SAMD3: variants seen among roughly 807,000 people sequenced by gnomAD.
The protein encoded by SAMD3 is sterile alpha motif domain-containing protein 3.
Under a neutral mutation model 58.5 loss-of-function variants are expected in SAMD3, and 63 were observed. That is an observed-to-expected ratio of 1.08 (90% confidence interval 0.88 to 1.33). The LOEUF (loss-of-function observed/expected upper bound fraction) is 1.33, where lower values mean the gene tolerates loss of function less well. Among genes scored for constraint, SAMD3 ranks in the 40% most tolerant of loss-of-function variants. The probability of loss-of-function intolerance (pLI) is 0.00; values close to 1 mark genes in which losing one functional copy is unlikely to be tolerated. For synonymous variants in SAMD3, 220 were observed against 210.3 expected, an observed-to-expected ratio of 1.05 and a Z score of -0.40; for missense variants, 604 against 608.4, an observed-to-expected ratio of 0.99 and a Z score of 0.08.
intron 2 of SAMD3, among the ~76,000 whole-genome samples, chr6:130,298,233 C>T (rs911886512): frequency 1.3e-5 from 2 of 152,092 alleles, no homozygotes; most frequent in African/African-American, 4.8e-5. Context: ...CTAGTTTTAG[C>T]CTTCTTAAAG....
intron 1 of SAMD3, among the ~76,000 whole-genome samples, chr6:130,363,319 A>G (rs1167372008): frequency 1.3e-5 from 2 of 152,220 alleles, no homozygotes; most frequent in African/African-American, 4.8e-5. Context: ...GCCTTGTTAC[A>G]TGACCTCTTA....
intron 1 of SAMD3, among the ~76,000 whole-genome samples, chr6:130,360,197 T>C (rs1285436348): frequency 1.3e-5 from 2 of 152,238 alleles, no homozygotes; most frequent in African/African-American, 4.8e-5. Context: ...ACTCATTAAA[T>C]GACTATTGTT....
chr6:130,248,141 T>C (rs1001025160), intron 2 of SAMD3, among the ~76,000 whole-genome samples: 1 of 152,042 alleles, frequency 6.6e-6, no homozygotes, highest in Non-Finnish European at 1.5e-5. Flanking sequence ...CCCTGTTATT[T>C]TGAACTGTTC....
chr6:130,364,816 T>C (rs1427540715), intron 1 of SAMD3, among the ~76,000 whole-genome samples: 1 of 152,152 alleles, frequency 6.6e-6, no homozygotes, highest in Admixed American at 6.5e-5. Flanking sequence ...CTACAGTCTC[T>C]TCTCATTGCC....
In SAMD3 at chr6:130,216,601, C is replaced by T. The variant is rs905142532; in HGVS notation, c.-52G>A. ...ATATGTGACAAGCTGGAAAGATAGT[C>T]TTCAAGAATCATTTCCTAGAAAACA... is the stretch of plus-strand genomic sequence containing the variant. On this transcript the variant is annotated 5_prime_UTR_variant, in exon 2 of 12. Coordinates refer to ENST00000439090, the MANE Select transcript of SAMD3 (RefSeq NM_001017373.4). The T allele has an allele frequency of 3.9e-5, 6 of 152,180 alleles. No homozygotes were observed. The highest frequency in any genetic ancestry group is 1.4e-4 in the African/African-American group (6 of 41,440). The allele number at this position is 152,180 out of a possible 1,614,324, so 9.4% of individuals were successfully genotyped here. A position where few individuals can be genotyped will look rare whatever the true frequency, so the allele number is the denominator to read the frequency against.
intron 5 of SAMD3, among the ~76,000 whole-genome samples, chr6:130,207,983 T>G (rs1795225855): frequency 6.6e-6 from 1 of 152,212 alleles, no homozygotes; most frequent in African/African-American, 2.4e-5. Flanking sequence ...GCTGTTGCCC[T>G]CAGTCCCCTG....
intron 5 of SAMD3, among the ~76,000 whole-genome samples, chr6:130,190,414 C>T (rs759211482): frequency 2.2e-4 from 34 of 151,722 alleles, no homozygotes; most frequent in Non-Finnish European, 4.6e-4. Flanking sequence ...GATTTTAAAG[C>T]GGCCATTCTA....
At chr6:130,347,495 A>G (rs1777492984) in intron 1 of SAMD3, among the ~76,000 whole-genome samples, 1 of 152,232 alleles carries the variant, frequency 6.6e-6, no homozygotes, top group Non-Finnish European at 1.5e-5. Flanking sequence ...AGATCAAATG[A>G]ATGAAACGAA....
intron 2 of SAMD3, among the ~76,000 whole-genome samples, chr6:130,277,374 C>G (rs946857292): frequency 3.3e-5 from 5 of 152,220 alleles, no homozygotes; most frequent in African/African-American, 1.2e-4. Context: ...GACAGCCAGC[C>G]TGTAAGGCTA....
chr6:130,338,479 C>A (rs1777168279), intron 1 of SAMD3, among the ~76,000 whole-genome samples: 4 of 152,164 alleles, frequency 2.6e-5, no homozygotes, highest in Admixed American at 2.6e-4. Context: ...ATCCTCCAGA[C>A]CCCAGAGTGG....
At position 130,346,766 on chromosome 6, in the gene SAMD3, C is replaced by A. The variant is rs1022608640; in HGVS notation, c.-304+18354G>T. 2.0e-5 allele frequency among the ~76,000 whole-genome samples: 3 copies of A among 152,196 alleles called. No individual in the cohort carries two copies. The South Asian group carries it at 6.2e-4, about 31-fold the overall frequency. On this transcript the variant is annotated intron_variant, in intron 1 of 13. Transcript: ENST00000368134. ...CAGCACGCAGCTGGAGATCTGAGAA[C>A]GGACAGACTGTCTCCTCAAGTGGGT...
chr6:130,251,740 G>A (rs1399417767), intron 2 of SAMD3, among the ~76,000 whole-genome samples: 1 of 152,092 alleles, frequency 6.6e-6, no homozygotes, highest in Non-Finnish European at 1.5e-5. Flanking sequence ...ACTTGTGCCA[G>A]TACCATACAA....
At chr6:130,204,299 A>T (rs183356703) in intron 5 of SAMD3, among the ~76,000 whole-genome samples, 157 of 152,288 alleles carry the variant, frequency 1.0e-3, no homozygotes, top group Admixed American at 9.2e-4. Flanking sequence ...ACACTGCAAA[A>T]AAAGCTCTTC....
chr6:130,284,915 G>A lies in SAMD3; in HGVS notation c.-188+28063C>T, dbSNP rs1377714513. ...TAGGTAAACCCACAGTTCTATGGGG[G>A]AGATAAATGCTTGTTCCATAATAGT... On this transcript the variant is annotated intron_variant, in intron 2 of 13. Coordinates refer to the SAMD3 transcript ENST00000368134. 2.0e-5 allele frequency among the ~76,000 whole-genome samples: 3 copies of A among 152,160 alleles called. No individual in the cohort carries two copies. The East Asian group carries it at 5.8e-4, about 29-fold the overall frequency.
At chr6:130,146,941 T>C (rs1788684532) in intron 9 of SAMD3, among the ~76,000 whole-genome samples, 1 of 151,704 alleles carries the variant, frequency 6.6e-6, no homozygotes, top group Admixed American at 6.6e-5. Context: ...GCCACTGCAC[T>C]CCAGCCTGGG....
chr6:130,330,632 CT>C (rs1282705572), intron 1 of SAMD3, among the ~76,000 whole-genome samples: 2 of 152,130 alleles, frequency 1.3e-5, no homozygotes, highest in African/African-American at 4.8e-5. Flanking sequence ...AATTATGTAA[CT>C]GATACTCCTG....
chr6:130,301,203 T>C (rs1371577076), intron 2 of SAMD3, among the ~76,000 whole-genome samples: 2 of 152,202 alleles, frequency 1.3e-5, no homozygotes, highest in African/African-American at 4.8e-5. Context: ...CCACATTTTC[T>C]TAATCCAGTC....
At chr6:130,225,205 A>G (rs1796355928), upstream of SAMD3, among the ~76,000 whole-genome samples, 1 of 152,254 alleles carries the variant, frequency 6.6e-6, no homozygotes, top group African/African-American at 2.4e-5. Flanking sequence ...TATTTGCTGC[A>G]CAGAAAGCCA....
chr6:130,324,274 A>G (rs572023052), intron 1 of SAMD3, among the ~76,000 whole-genome samples: 13 of 152,190 alleles, frequency 8.5e-5, no homozygotes, highest in Non-Finnish European at 1.6e-4. Context: ...TCTTATTTTC[A>G]GATTAGAAAC....
Sources: allele counts gnomAD v4.1 joint callset (sites outside exome capture counted in the v4.1 genomes callset), GRCh38; gene constraint gnomAD v4.1.1; transcripts MANE v1.5; gene names NCBI Gene and HGNC (gene_info 2026-07-23, HGNC 2026-07-21).